CALN1: variants seen among roughly 807,000 people sequenced by gnomAD.
The protein encoded by CALN1 is calneuron 1.
In CALN1, 17 loss-of-function variants were observed where a neutral mutation model predicts 30.6. The observed-to-expected ratio is 0.56, with a 90% CI of 0.38 to 0.83. CALN1 has a LOEUF of 0.83. CALN1 is among the 40% of genes least tolerant of loss of function. The pLI, the probability that CALN1 is intolerant of heterozygous loss-of-function variation, is 0.00. For missense variants in CALN1, 291 were observed against 354.9 expected, an observed-to-expected ratio of 0.82 and a Z score of 1.45; for synonymous variants, 156 against 131.4, an observed-to-expected ratio of 1.19 and a Z score of -1.28.
chr7:72,054,048 T>C (rs1803017406), intron 4 of CALN1, among the ~76,000 whole-genome samples: 1 of 152,192 alleles, frequency 6.6e-6, no homozygotes, highest in African/African-American at 2.4e-5. Context: ...CATTGATTGA[T>C]GGGCATTTGG....
At chr7:72,499,875 T>C in the CALN1 span, among the ~76,000 whole-genome samples, 6,208 of 86,276 alleles carry the variant, frequency 0.072, 1,077 homozygotes, top group African/African-American at 0.11. Flanking sequence ...CTTTCTTTCT[T>C]TCTTTCTTTC....
intron 3 of CALN1, among the ~76,000 whole-genome samples, chr7:72,190,346 G>A (rs932524755): frequency 9.2e-5 from 14 of 152,246 alleles, no homozygotes; most frequent in South Asian, 2.1e-4. Flanking sequence ...GCAAGACTCC[G>A]TCTCAAATAA....
At chr7:72,406,831 G>A (rs1382632874) in intron 1 of CALN1, among the ~76,000 whole-genome samples, 1 of 152,090 alleles carries the variant, frequency 6.6e-6, no homozygotes, top group Non-Finnish European at 1.5e-5. Flanking sequence ...GGCCAGGCTG[G>A]TCTTGAACTT....
rs990849508 is a variant in CALN1, at chr7:71,839,868, A to G, written c.502-29376T>C. ...CTTGCTGCATTCTCTGGGTTACAAAAAAGTCACATGCCCACCCAGATTCAA... is the reference window on the plus strand; with the variant it reads ...CTTGCTGCATTCTCTGGGTTACAAAGAAGTCACATGCCCACCCAGATTCAA... On this transcript the variant is annotated intron_variant, in intron 5 of 6. Coordinates refer to ENST00000395275, the MANE Select transcript of CALN1 (RefSeq NM_031468.4). Among the ~76,000 whole-genome samples, 10 of 152,150 alleles carry G rather than the reference A, an allele frequency of 6.6e-5. 1 individual carries two copies. In the East Asian group the frequency reaches 1.9e-3, roughly 29 times the overall value.
chr7:71,999,277 T>C (rs1799409152), intron 5 of CALN1, among the ~76,000 whole-genome samples: 1 of 152,214 alleles, frequency 6.6e-6, no homozygotes, highest in African/African-American at 2.4e-5. Flanking sequence ...TCCACCAGGA[T>C]GATATGCAAT....
intron 5 of CALN1, among the ~76,000 whole-genome samples, chr7:71,905,017 C>A (rs974397882): frequency 6.6e-6 from 1 of 152,178 alleles, no homozygotes; most frequent in African/African-American, 2.4e-5. Flanking sequence ...CAGCTCACTG[C>A]AACCTCTGCC....
intron 5 of CALN1, among the ~76,000 whole-genome samples, chr7:72,021,977 A>G (rs1294005948): frequency 6.6e-6 from 1 of 152,168 alleles, no homozygotes; most frequent in African/African-American, 2.4e-5. Flanking sequence ...CTGTTTCTTC[A>G]GGCCCTAAAT....
chr7:72,232,949 T>A (rs1794215898), intron 3 of CALN1, among the ~76,000 whole-genome samples: 1 of 152,134 alleles, frequency 6.6e-6, no homozygotes. Context: ...TATTTTTAAT[T>A]TAGCATAAAT....
At chr7:71,832,958 C>T (rs373732413) in intron 5 of CALN1, among the ~76,000 whole-genome samples, 4 of 152,142 alleles carry the variant, frequency 2.6e-5, no homozygotes, top group African/African-American at 4.8e-5. Context: ...GTCCTGCCCG[C>T]GATGTCTTGA....
intron 5 of CALN1, among the ~76,000 whole-genome samples, chr7:71,920,161 C>T (rs1794866950): frequency 6.6e-6 from 1 of 151,964 alleles, no homozygotes; most frequent in South Asian, 2.1e-4. Context: ...AGAATGAGAT[C>T]CAAGGAAGAG....
chr7:71,967,617 C>A (rs552202193), intron 5 of CALN1, among the ~76,000 whole-genome samples: 1,410 of 132,226 alleles, frequency 0.011, 27 homozygotes, highest in African/African-American at 0.04. Context: ...CAGAGTGAGA[C>A]CCTGTTTCAA....
At chr7:72,345,660 C>G (rs1298604678) in intron 2 of CALN1, among the ~76,000 whole-genome samples, 1 of 151,890 alleles carries the variant, frequency 6.6e-6, no homozygotes, top group Non-Finnish European at 1.5e-5. Context: ...CTATAACCTC[C>G]CTAGGAGGAG....
At chr7:71,846,884 C>A (rs376701553) in intron 5 of CALN1, among the ~76,000 whole-genome samples, 1 of 143,368 alleles carries the variant, frequency 7.0e-6, no homozygotes, top group East Asian at 2.0e-4. Context: ...AATATATACA[C>A]ACATATATGT....
At chr7:72,095,793 G>T (rs1806176173) in intron 4 of CALN1, among the ~76,000 whole-genome samples, 1 of 152,138 alleles carries the variant, frequency 6.6e-6, no homozygotes, top group Admixed American at 6.5e-5. Context: ...AGCACTTTGG[G>T]AGGCCAAGGT....
chr7:72,038,172 G>A (rs932433639), intron 4 of CALN1, among the ~76,000 whole-genome samples: 5 of 151,498 alleles, frequency 3.3e-5, no homozygotes, highest in South Asian at 2.1e-4. Flanking sequence ...ACCGAGTCTC[G>A]CAAATTGTGT....
At chr7:71,843,195 T>C (rs1161792531) in intron 5 of CALN1, among the ~76,000 whole-genome samples, 1 of 152,194 alleles carries the variant, frequency 6.6e-6, no homozygotes, top group East Asian at 1.9e-4. Flanking sequence ...CTCTTTAAAT[T>C]TCTTTCCTAT....
At chr7:72,445,831 T>C (rs1210104399) in intron 1 of CALN1, among the ~76,000 whole-genome samples, 1 of 152,096 alleles carries the variant, frequency 6.6e-6, no homozygotes, top group Non-Finnish European at 1.5e-5. Context: ...GTAACTACCG[T>C]TCATGGAAAT....
At chr7:71,916,205 G>A (rs1320721738) in intron 5 of CALN1, among the ~76,000 whole-genome samples, 1 of 131,704 alleles carries the variant, frequency 7.6e-6, no homozygotes, top group Non-Finnish European at 1.6e-5. Context: ...ATAAGAAAGA[G>A]GATCTGAGTA....
At chr7:72,390,960 G>C (rs1050921911) in intron 2 of CALN1, among the ~76,000 whole-genome samples, 2 of 152,130 alleles carry the variant, frequency 1.3e-5, no homozygotes, top group Non-Finnish European at 2.9e-5. Context: ...TGCACCAAAA[G>C]TACCCTTAAA....
Sources: allele counts gnomAD v4.1 joint callset (sites outside exome capture counted in the v4.1 genomes callset), GRCh38; gene constraint gnomAD v4.1.1; transcripts MANE v1.5; gene names NCBI Gene and HGNC (gene_info 2026-07-23, HGNC 2026-07-21).